Variants in COLQ observed in about 807,000 individuals in gnomAD.
The protein encoded by COLQ is acetylcholinesterase collagenic tail peptide.
In COLQ, 48 loss-of-function variants were observed where a neutral mutation model predicts 69.0. That is an observed-to-expected ratio of 0.70 (90% confidence interval 0.55 to 0.88). The LOEUF is 0.88. Ranked by LOEUF, COLQ falls within the 40% of genes least tolerant of loss-of-function variation. The pLI, the probability that COLQ is intolerant of heterozygous loss-of-function variation, is 0.00. For synonymous variants in COLQ, 217 were observed against 211.2 expected, an observed-to-expected ratio of 1.03 and a Z score of -0.24; for missense variants, 618 against 594.6, an observed-to-expected ratio of 1.04 and a Z score of -0.41.
At position 15,489,640 on chromosome 3, in the gene COLQ, G is replaced by GT. The variant is rs1266720715; in HGVS notation, c.107-4dup. ...CTTCTGATCCAGGCTGGGAAGGGCT[G>GT]TTCAGAGAAAACTGCCGCTCGTTAG... On this transcript the variant is annotated splice_polypyrimidine_tract_variant and splice_region_variant and intron_variant, in intron 1 of 16. Coordinates refer to ENST00000383788, the MANE Select transcript of COLQ (RefSeq NM_005677.4). The GT allele has an allele frequency of 1.2e-6, 2 of 1,613,656 alleles. No individual in the cohort carries two copies. Among genetic ancestry groups the GT allele is most frequent in the East Asian group, 4.5e-5 (2 of 44,900 alleles).
At position 15,489,636 on chromosome 3, in the gene COLQ, G is replaced by A. The variant is rs1380099623; in HGVS notation, c.108C>T (p.Ala36=). The part of the protein sequence containing the change: ...FINSVLPISA[A]LPSLDQKKRG... ...GCTTCTTCTGATCCAGGCTGGGAAGGGCTGTTCAGAGAAAACTGCCGCTCG... is the reference window on the plus strand; with the variant it reads ...GCTTCTTCTGATCCAGGCTGGGAAGAGCTGTTCAGAGAAAACTGCCGCTCG... Residue 36 remains alanine, a splice_region_variant and synonymous_variant, in exon 2 of 17, where the codon GCC becomes GCT. Transcript: ENST00000383788. 6.2e-7 allele frequency: 1 copy of A among 1,613,762 alleles called. No homozygotes were observed. Among genetic ancestry groups the A allele is most frequent in the Non-Finnish European group, 8.5e-7 (1 of 1,179,878 alleles).
chr3:15,517,202 C>T (rs1437515004), intron 1 of COLQ, among the ~76,000 whole-genome samples: 1 of 152,086 alleles, frequency 6.6e-6, no homozygotes, highest in South Asian at 2.1e-4. Context: ...GGGTAGCCTA[C>T]AGGACTTTAA....
At chr3:15,517,209 T>G (rs1345834095) in intron 1 of COLQ, among the ~76,000 whole-genome samples, 10 of 152,084 alleles carry the variant, frequency 6.6e-5, no homozygotes, top group Admixed American at 6.6e-4. Flanking sequence ...CTACAGGACT[T>G]TAAAGGCCAA....
rs1277476289 is a variant in COLQ, at chr3:15,472,610, AATG to A, written c.636+1387_636+1389del. On this transcript the variant is annotated intron_variant, in intron 10 of 16. Coordinates refer to ENST00000383788, the MANE Select transcript of COLQ (RefSeq NM_005677.4). ...AATGTCTTATGGCATGAGGAGCCAAAATGATGTTAGCTTAGGAGCTGTTCCAAA... is the reference window on the plus strand; with the variant it reads ...AATGTCTTATGGCATGAGGAGCCAAAATGTTAGCTTAGGAGCTGTTCCAAA... Among the ~76,000 whole-genome samples the A allele has an allele frequency of 1.2e-4, 18 of 152,342 alleles. No homozygotes were observed. The East Asian group carries it at 1.7e-3, about 15-fold the overall frequency.
At chr3:15,485,002 G>T (rs1023111049) in intron 3 of COLQ, among the ~76,000 whole-genome samples, 1 of 152,208 alleles carries the variant, frequency 6.6e-6, no homozygotes, top group Non-Finnish European at 1.5e-5. Flanking sequence ...CAGCTTTTCT[G>T]CTCTGGTTTC....
chr3:15,506,430 C>G (rs2062912006), intron 1 of COLQ, among the ~76,000 whole-genome samples: 1 of 152,198 alleles, frequency 6.6e-6, no homozygotes, highest in Non-Finnish European at 1.5e-5. Context: ...ACCCCTCTCC[C>G]TCAGCTACCC....
chr3:15,453,888 A>C lies in COLQ; in HGVS notation c.1239T>G (p.Gly413=). 2 of 1,611,832 alleles carry C rather than the reference A, an allele frequency of 1.2e-6. No homozygotes were observed. Among genetic ancestry groups the C allele is most frequent in the South Asian group, 2.2e-5 (2 of 90,488 alleles). ...AYCGDGHRHE[G]VEDCDGSDFG... ...AGTCAGAGCCGTCACAGTCCTCCAC[A>C]CCCTCATGCCGGTGACCATCTCCAC... The change falls in exon 16 of 17, where the codon GGT becomes GGG. Residue 413 remains glycine (G), a synonymous_variant. Coordinates refer to ENST00000383788, the MANE Select transcript of COLQ (RefSeq NM_005677.4).
intron 10 of COLQ, among the ~76,000 whole-genome samples, chr3:15,472,983 C>T (rs934104118): frequency 7.3e-5 from 11 of 151,580 alleles, no homozygotes; most frequent in Admixed American, 6.6e-4. Context: ...CCTCAGCCTC[C>T]TGAGTCGCTG....
intron 11 of COLQ, 48 bp downstream of exon 11, chr3:15,470,488 G>A (rs746151959): frequency 3.8e-6 from 6 of 1,559,158 alleles, no homozygotes; most frequent in Admixed American, 3.3e-5. Flanking sequence ...ACACTGCCAG[G>A]TCAGGAAGTT....
At chr3:15,508,483 C>A (rs1256445092) in intron 1 of COLQ, among the ~76,000 whole-genome samples, 2 of 152,180 alleles carry the variant, frequency 1.3e-5, no homozygotes, top group African/African-American at 4.8e-5. Flanking sequence ...ATTTGTATAA[C>A]AAGTAGCCAA....
At chr3:15,501,699 A>C (rs1054059619) in intron 1 of COLQ, among the ~76,000 whole-genome samples, 1 of 152,254 alleles carries the variant, frequency 6.6e-6, no homozygotes, top group African/African-American at 2.4e-5. Context: ...TATAGCCAGA[A>C]TCTTGATAAG....
chr3:15,511,857 T>A (rs949048548), intron 1 of COLQ, among the ~76,000 whole-genome samples: 2 of 151,986 alleles, frequency 1.3e-5, no homozygotes, highest in Non-Finnish European at 2.9e-5. Context: ...CAAAGGGCAG[T>A]CCAGTTTCAA....
intron 1 of COLQ, among the ~76,000 whole-genome samples, chr3:15,493,166 A>G (rs184103352): frequency 8.4e-4 from 128 of 152,326 alleles, no homozygotes; most frequent in African/African-American, 2.9e-3. Context: ...TATCTGGGGA[A>G]GTCATGCATA....
intron 7 of COLQ, 165 bp from the exon 8 acceptor site, chr3:15,475,116 G>T: frequency 1.3e-6 from 1 of 795,892 alleles, no homozygotes; most frequent in Non-Finnish European, 2.2e-6. Context: ...CCAGAGGGTT[G>T]TGGTTATACC....
Position 15,521,501 on chromosome 3 carries a change from A to G in COLQ, c.106+19T>C, listed in dbSNP as rs1043822621. 6.2e-7 allele frequency: 1 copy of G among 1,614,018 alleles called. No individual in the cohort carries two copies. The highest frequency in any genetic ancestry group is 8.5e-7 in the Non-Finnish European group (1 of 1,179,956). On this transcript the variant is annotated intron_variant, in intron 1 of 16. Transcript: ENST00000383788. ...TCCCCTGACAGATGGAAGAGAGGAA[A>G]GTTGTGGCCATCATTTACCTGCTGA...
At position 15,499,822 on chromosome 3, in the gene COLQ, G is replaced by A. The variant is rs59745291; in HGVS notation, c.107-10185C>T. Among the ~76,000 whole-genome samples the A allele has an allele frequency of 4.9e-3, 747 of 152,318 alleles. 5 individuals are homozygous for A. The highest frequency in any genetic ancestry group is 0.016 in the African/African-American group (683 of 41,560). ...GTCCTGGTTTTGCCACTTAGTAGCT[G>A]TGTGACCTTGAGGAAGTTATTCATT... On this transcript the variant is annotated intron_variant, in intron 1 of 16. Coordinates refer to ENST00000383788, the MANE Select transcript of COLQ (RefSeq NM_005677.4).
chr3:15,450,232 A>G lies in COLQ; in HGVS notation c.*1412T>C, dbSNP rs2061922490. The stretch of plus-strand genomic sequence containing the variant: ...ACAACATCTCCCCAGGCCTCGCAGT[A>G]GAGGCGAAGGGAACAGGGCTGCCCA... On this transcript the variant is annotated 3_prime_UTR_variant, in exon 17 of 17. Transcript: ENST00000383788. 1 of 153,006 alleles carries G rather than the reference A, an allele frequency of 6.5e-6. No individual in the cohort carries two copies. Among genetic ancestry groups the G allele is most frequent in the Non-Finnish European group, 1.5e-5 (1 of 68,060 alleles). The allele number at this position is 153,006 out of a possible 1,614,324, so 9.5% of individuals were successfully genotyped here.
At chr3:15,478,751 G>C (rs2062424273) in intron 5 of COLQ, 1 of 612,742 alleles carries the variant, frequency 1.6e-6, no homozygotes, top group Non-Finnish European at 2.9e-6. Flanking sequence ...GCAGCCCCCG[G>C]AAGAAGTCTG....
chr3:15,463,073 C>A (rs917087773), intron 12 of COLQ, among the ~76,000 whole-genome samples: 2 of 151,922 alleles, frequency 1.3e-5, no homozygotes, highest in Admixed American at 6.6e-5. Flanking sequence ...TGCAATACAC[C>A]GAAGACAGAC....
Sources: allele counts gnomAD v4.1 joint callset (sites outside exome capture counted in the v4.1 genomes callset), GRCh38; gene constraint gnomAD v4.1.1; transcripts MANE v1.5; gene names NCBI Gene and HGNC (gene_info 2026-07-23, HGNC 2026-07-21).